SNX24: variants seen among roughly 807,000 people sequenced by gnomAD.
The protein encoded by SNX24 is sorting nexin 24.
A neutral mutation model predicts 28.7 loss-of-function variants in SNX24; 22 were observed. The ratio of observed to expected loss-of-function variants is 0.77; its 90% CI spans 0.55 to 1.10. The LOEUF (loss-of-function observed/expected upper bound fraction) is 1.10. Among genes scored for constraint, SNX24 ranks in the 50% least tolerant of loss-of-function variants. SNX24 has a pLI of 0.00. For synonymous variants in SNX24, 69 were observed against 71.5 expected, an observed-to-expected ratio of 0.96 and a Z score of 0.18; for missense variants, 221 against 201.1, an observed-to-expected ratio of 1.10 and a Z score of -0.60.
intron 6 of SNX24, 48 bp downstream of exon 6, chr5:123,002,052 GCAC>G (rs781706520): frequency 6.8e-7 from 1 of 1,460,726 alleles, no homozygotes. Flanking sequence ...ATCTGACCCT[GCAC>G]CACATAAACC....
chr5:123,026,146 C>G (rs546489846), intron 5 of SNX24, among the ~76,000 whole-genome samples: 51 of 152,230 alleles, frequency 3.4e-4, no homozygotes, highest in African/African-American at 1.2e-3. Context: ...CTTAAGGGAA[C>G]AGGGCACTAG....
chr5:122,885,379 C>T (rs1756659728), intron 1 of SNX24, among the ~76,000 whole-genome samples: 1 of 152,178 alleles, frequency 6.6e-6, no homozygotes, highest in Non-Finnish European at 1.5e-5. Flanking sequence ...CCAGGCCCCT[C>T]CTGTGTTCCA....
intron 1 of SNX24, among the ~76,000 whole-genome samples, chr5:122,866,169 A>T (rs954423294): frequency 6.6e-6 from 1 of 152,204 alleles, no homozygotes; most frequent in Non-Finnish European, 1.5e-5. Flanking sequence ...ATGAATGAAT[A>T]ACAAGAGTCT....
intron 3 of SNX24, among the ~76,000 whole-genome samples, chr5:122,982,773 G>A (rs1581830703): frequency 6.6e-6 from 1 of 152,222 alleles, no homozygotes; most frequent in African/African-American, 2.4e-5. Flanking sequence ...TTTGCTTTCA[G>A]CGAAGTCCTT....
At chr5:122,952,691 A>G (rs1159943937) in intron 3 of SNX24, among the ~76,000 whole-genome samples, 1 of 152,258 alleles carries the variant, frequency 6.6e-6, no homozygotes, top group East Asian at 1.9e-4. Context: ...GACATAAAAT[A>G]TATCTCAAAA....
intron 1 of SNX24, among the ~76,000 whole-genome samples, chr5:122,872,475 C>T (rs1756023819): frequency 6.6e-6 from 1 of 152,066 alleles, no homozygotes; most frequent in South Asian, 2.1e-4. Flanking sequence ...GTAAGTACGG[C>T]CATCCCTCAG....
At chr5:122,915,618 CCTGT>C (rs1369751635) in intron 1 of SNX24, among the ~76,000 whole-genome samples, 4 of 151,990 alleles carry the variant, frequency 2.6e-5, no homozygotes, top group African/African-American at 9.7e-5. Flanking sequence ...AAAGCAAGAC[CCTGT>C]CTGTTTAAAA....
At chr5:122,862,354 G>A (rs1217567595) in intron 1 of SNX24, among the ~76,000 whole-genome samples, 2 of 152,094 alleles carry the variant, frequency 1.3e-5, no homozygotes, top group Non-Finnish European at 1.5e-5. Context: ...AGTGGCTGGC[G>A]CCTGTAATCC....
downstream of SNX24, among the ~76,000 whole-genome samples, chr5:123,011,878 AT>A (rs1374994079): frequency 1.3e-5 from 2 of 152,218 alleles, no homozygotes; most frequent in Non-Finnish European, 2.9e-5. Flanking sequence ...GTATAATGAT[AT>A]GGTTTGGCTG....
chr5:122,984,608 G>A lies in SNX24; in HGVS notation c.250-15304G>A, dbSNP rs1281237253. ...GTGAGACAAAACAAGAAAAGTTATC[G>A]CAGTTGGGAAGCTTCTTCTCACTGC... On this transcript the variant is annotated intron_variant, in intron 3 of 6. Coordinates refer to ENST00000261369, the MANE Select transcript of SNX24 (RefSeq NM_014035.4). 5.3e-5 allele frequency among the ~76,000 whole-genome samples: 8 copies of A among 152,268 alleles called. No homozygotes were observed. In the East Asian group the frequency reaches 1.4e-3, roughly 26 times the overall value.
intron 1 of SNX24, among the ~76,000 whole-genome samples, chr5:122,857,087 C>T (rs943159879): frequency 2.6e-5 from 4 of 152,022 alleles, no homozygotes; most frequent in Admixed American, 6.6e-5. Flanking sequence ...TCTCAGCTCA[C>T]CACAACCTCC....
At chr5:122,956,367 T>TACACACACAC (rs9327282) in intron 3 of SNX24, among the ~76,000 whole-genome samples, 9 of 147,144 alleles carry the variant, frequency 6.1e-5, no homozygotes, top group Admixed American at 4.7e-4. Flanking sequence ...AAAAAATATA[T>TACACACACAC]ACACACACAC....
At chr5:122,979,629 C>A (rs1317476473) in intron 3 of SNX24, among the ~76,000 whole-genome samples, 1 of 152,178 alleles carries the variant, frequency 6.6e-6, no homozygotes, top group African/African-American at 2.4e-5. Flanking sequence ...ATGCAGATGT[C>A]TCCAGTGAAT....
intron 5 of SNX24, among the ~76,000 whole-genome samples, chr5:123,015,252 G>C (rs80009562): frequency 0.03 from 4,589 of 152,264 alleles, 130 homozygotes; most frequent in East Asian, 0.04. Context: ...CCAGTTCAGT[G>C]CTGGCTGCAT....
chr5:122,929,217 C>T (rs922864852), intron 1 of SNX24, among the ~76,000 whole-genome samples: 15 of 152,112 alleles, frequency 9.9e-5, no homozygotes, highest in Admixed American at 7.9e-4. Context: ...CAGCTGCTTC[C>T]GGCCTCTCAC....
At chr5:122,895,030 G>C (rs1309686756) in intron 1 of SNX24, among the ~76,000 whole-genome samples, 1 of 144,692 alleles carries the variant, frequency 6.9e-6, no homozygotes, top group Admixed American at 6.9e-5. Flanking sequence ...TTTTTAAACA[G>C]AGCACTTTCT....
At chr5:122,912,799 C>G in intron 1 of SNX24, among the ~76,000 whole-genome samples, 1 of 147,646 alleles carries the variant, frequency 6.8e-6, no homozygotes. Context: ...TTGGCAGGGT[C>G]TAGGACAGTA....
At chr5:122,883,472 T>C (rs1402241496) in intron 1 of SNX24, among the ~76,000 whole-genome samples, 1 of 152,236 alleles carries the variant, frequency 6.6e-6, no homozygotes, top group African/African-American at 2.4e-5. Context: ...CATTCTTTTC[T>C]TTTCAAATTT....
intron 5 of SNX24, among the ~76,000 whole-genome samples, chr5:123,027,408 A>G (rs1435400561): frequency 6.6e-6 from 1 of 152,220 alleles, no homozygotes; most frequent in Non-Finnish European, 1.5e-5. Flanking sequence ...AAGGTAGCAG[A>G]AAAGAGGGCA....
Sources: gnomAD v4.1 joint callset for allele counts (sites outside exome capture counted in the v4.1 genomes callset) on GRCh38, gnomAD v4.1.1 for gene constraint, MANE v1.5 for transcripts, NCBI Gene and HGNC (gene_info 2026-07-23, HGNC 2026-07-21) for gene names.